ABCC12: variants seen among roughly 807,000 people sequenced by gnomAD.
The protein encoded by ABCC12 is ATP-binding cassette sub-family C member 12.
In ABCC12, 142 loss-of-function variants were observed where a neutral mutation model predicts 151.1. The ratio of observed to expected loss-of-function variants is 0.94; its 90% CI spans 0.82 to 1.08. The LOEUF (loss-of-function observed/expected upper bound fraction) is 1.08. ABCC12 is among the 50% of genes least tolerant of loss of function. ABCC12 has a pLI of 0.00. For synonymous variants in ABCC12, 645 were observed against 646.4 expected (o/e 1.00, Z 0.03); for missense variants, 1,638 against 1,691.1 (o/e 0.97, Z 0.55).
chr16:48,087,028 C>T (rs1597299730), intron 27 of ABCC12: 1 of 512,502 alleles, frequency 2.0e-6, no homozygotes, highest in East Asian at 3.2e-5. Flanking sequence ...TGCAATGGAG[C>T]AGAGACCACT....
At chr16:48,124,155 G>A (rs1157323269) in intron 12 of ABCC12, 58 bp downstream of exon 12, 19 of 1,561,992 alleles carry the variant, frequency 1.2e-5, no homozygotes, top group Non-Finnish European at 1.7e-5. Flanking sequence ...GACCGGAAGG[G>A]AGCCATTTCA....
Position 48,083,972 on chromosome 16 carries a change from G to A in ABCC12, c.3930C>T (p.Thr1310=), listed in dbSNP as rs1195845362. The part of the protein sequence containing the change: ...KDAFKGCTVL[T]IAHRLNTVLN... Reference sequence around the variant, plus strand: ...GAACTGTGTTGAGGCGGTGGGCGATGGTCAGCACAGTGCAGCCCTTGAAGG... The same window carrying A: ...GAACTGTGTTGAGGCGGTGGGCGATAGTCAGCACAGTGCAGCCCTTGAAGG... The change falls in exon 30 of 31, where the codon ACC becomes ACT. Residue 1310 remains threonine, a synonymous_variant. Transcript: ENST00000311303. 1 of 1,612,582 alleles carries A rather than the reference G, an allele frequency of 6.2e-7. No homozygotes were observed. The highest frequency in any genetic ancestry group is 8.5e-7 in the Non-Finnish European group (1 of 1,179,618).
chr16:48,082,165 CT>C lies in ABCC12; in HGVS notation c.*1549del, dbSNP rs1962368809. 6.6e-6 allele frequency among the ~76,000 whole-genome samples: 1 copy of C among 152,222 alleles called. No homozygotes were observed. Among genetic ancestry groups the C allele is most frequent in the Admixed American group, 6.5e-5 (1 of 15,292 alleles). ...TGGAGCTGCCCACAGAAGGAACCCC[CT>C]GGCTCACGTCCTTCTCAGCCACATG... On this transcript the variant is annotated 3_prime_UTR_variant, in exon 31 of 31. Coordinates refer to ENST00000311303, the MANE Select transcript of ABCC12 (RefSeq NM_001393797.1).
rs1965008579 is a variant in ABCC12, at chr16:48,146,489, T to C, written c.-50-15A>G. ...ACACTTTCACTCTATGGCAGAGAAATGGCAAAGGTTATTGAGAGGTGAGGA... is the reference window on the plus strand; with the variant it reads ...ACACTTTCACTCTATGGCAGAGAAACGGCAAAGGTTATTGAGAGGTGAGGA... On this transcript the variant is annotated splice_polypyrimidine_tract_variant and intron_variant, in intron 2 of 30. Coordinates refer to ENST00000311303, the MANE Select transcript of ABCC12 (RefSeq NM_001393797.1). 7.6e-7 allele frequency: 1 copy of C among 1,316,926 alleles called. No individual in the cohort carries two copies. The highest frequency in any genetic ancestry group is 1.2e-5 in the South Asian group (1 of 84,052). 81.6% of individuals were successfully genotyped at this position (1,316,926 alleles called of 1,614,324 possible).
rs772031255 is a variant in ABCC12, at chr16:48,088,007, A to C, written c.3554T>G (p.Ile1185Ser). 1.5e-5 allele frequency: 25 copies of C among 1,614,118 alleles called. No homozygotes were observed. The highest frequency in any genetic ancestry group is 2.0e-5 in the Non-Finnish European group (24 of 1,180,040). Residue 1185 changes from isoleucine to serine, a missense_variant, in exon 27 of 31, where the codon ATC becomes AGC. Ile to Ser is a moderately radical substitution (Grantham distance 142, BLOSUM62 -2). Transcript: ENST00000311303. ...SGTIFIDEVD[I>S]CILSLEDLRT... ...GAGGTCTTCCAAGCTGAGAATGCAG[A>C]TATCCACCTCATCAATAAAGATTGT...
rs371007165 is a variant in ABCC12 at position 48,115,404 on chromosome 16, T to A, written c.1989+11A>T. ...ATCCCGTGACCTCCTGGATCCTGCA[T>A]GTCCCATCACCTGTAGCTGGTGGGT... On this transcript the variant is annotated intron_variant, in intron 15 of 30. Transcript: ENST00000311303. The A allele has an allele frequency of 3.1e-6, 5 of 1,613,360 alleles. No individual in the cohort carries two copies. The African/African-American group carries it at 6.7e-5, about 22-fold the overall frequency.
At chr16:48,140,444 C>T (rs1964764528) in intron 6 of ABCC12, among the ~76,000 whole-genome samples, 1 of 152,172 alleles carries the variant, frequency 6.6e-6, no homozygotes, top group Non-Finnish European at 1.5e-5. Flanking sequence ...TCTCCCTGAG[C>T]CCTGTTCCCG....
chr16:48,096,700 CA>C, intron 24 of ABCC12, 45 bp downstream of exon 24: 1 of 1,599,356 alleles, frequency 6.3e-7, no homozygotes, highest in Non-Finnish European at 8.6e-7. Flanking sequence ...TGATGTATTA[CA>C]GGCCGGAGCC....
chr16:48,104,068 A>G (rs1963396494), intron 22 of ABCC12, 74 bp downstream of exon 22: 3 of 1,468,384 alleles, frequency 2.0e-6, no homozygotes, highest in African/African-American at 1.4e-5. Flanking sequence ...CAAGCACTCC[A>G]TGCTCAATAT....
intron 27 of ABCC12, 136 bp downstream of exon 27, chr16:48,087,790 T>C: frequency 1.1e-6 from 1 of 921,416 alleles, no homozygotes; most frequent in Non-Finnish European, 1.6e-6. Context: ...GCAGTGCTTG[T>C]GAGCCCCCCT....
chr16:48,152,444 C>T (rs1965129271), intron 2 of ABCC12, among the ~76,000 whole-genome samples: 1 of 152,194 alleles, frequency 6.6e-6, no homozygotes, highest in African/African-American at 2.4e-5. Flanking sequence ...GACAGTCAAG[C>T]TGTGGTCCAT....
At chr16:48,110,735 C>A (rs1472994002) in intron 18 of ABCC12, among the ~76,000 whole-genome samples, 2 of 152,106 alleles carry the variant, frequency 1.3e-5, no homozygotes, top group Non-Finnish European at 2.9e-5. Context: ...AGGGACCAGT[C>A]CGAAGGCCAC....
Position 48,108,422 on chromosome 16 carries a change from T to A in ABCC12, c.2371+18A>T. 1 of 1,602,632 alleles carries A rather than the reference T, an allele frequency of 6.2e-7. No homozygotes were observed. The highest frequency in any genetic ancestry group is 8.5e-7 in the Non-Finnish European group (1 of 1,171,542). On this transcript the variant is annotated intron_variant, in intron 19 of 30. Coordinates refer to ENST00000311303, the MANE Select transcript of ABCC12 (RefSeq NM_001393797.1). ...AAAATGCAAATTAAATCAAGAAACT[T>A]GTTGTTTTATACTGAACCTCCAGAA...
At chr16:48,135,852 C>T (rs1376172723) in intron 8 of ABCC12, among the ~76,000 whole-genome samples, 2 of 152,182 alleles carry the variant, frequency 1.3e-5, no homozygotes, top group Non-Finnish European at 2.9e-5. Context: ...TCACAAATTA[C>T]ATTCAAGCCT....
chr16:48,123,056 C>A (rs1597316378), intron 12 of ABCC12, among the ~76,000 whole-genome samples: 8 of 152,212 alleles, frequency 5.3e-5, no homozygotes, highest in Admixed American at 5.2e-4. Context: ...GGGGCCTGAT[C>A]CCACCACTGT....
chr16:48,096,126 C>T (rs1963085599), intron 24 of ABCC12, among the ~76,000 whole-genome samples: 2 of 152,104 alleles, frequency 1.3e-5, no homozygotes, highest in South Asian at 2.1e-4. Context: ...ACAATCAATG[C>T]CGTATGTTCA....
chr16:48,111,729 A>C (rs1339135997), intron 16 of ABCC12, 47 bp downstream of exon 16: 1 of 1,613,892 alleles, frequency 6.2e-7, no homozygotes, highest in African/African-American at 1.3e-5. Context: ...CGAAATCCTG[A>C]GGGATTCCGC....
At chr16:48,090,992 T>G in intron 25 of ABCC12, 128 bp downstream of exon 25, 1 of 902,564 alleles carries the variant, frequency 1.1e-6, no homozygotes, top group Non-Finnish European at 1.8e-6. Flanking sequence ...ATTATAGGCG[T>G]AAGCCACCAC....
chr16:48,091,096 C>G lies in ABCC12; in HGVS notation c.3285+24G>C, dbSNP rs1221896506. The G allele has an allele frequency of 1.9e-6, 3 of 1,610,986 alleles. No individual in the cohort carries two copies. In the South Asian group the frequency reaches 3.3e-5, roughly 18 times the overall value. ...TCCTGCCAAAATTAACTTGTCCCTC[C>G]TCTCTGATGCACTAATTTCTTACCG... On this transcript the variant is annotated intron_variant, in intron 25 of 30. Coordinates refer to ENST00000311303, the MANE Select transcript of ABCC12 (RefSeq NM_001393797.1).
Sources: gnomAD v4.1 joint callset for allele counts (sites outside exome capture counted in the v4.1 genomes callset) on GRCh38, gnomAD v4.1.1 for gene constraint, MANE v1.5 for transcripts, NCBI Gene and HGNC (gene_info 2026-07-23, HGNC 2026-07-21) for gene names.